ERG: variants seen among roughly 807,000 people sequenced by gnomAD.
ERG encodes transcriptional regulator ERG.
Under a neutral mutation model 55.3 loss-of-function variants are expected in ERG, and 9 were observed. The observed-to-expected ratio is 0.16, with a 90% CI of 0.10 to 0.28. The LOEUF (loss-of-function observed/expected upper bound fraction) is 0.28, where lower values mean the gene tolerates loss of function less well. ERG is among the 10% of genes least tolerant of loss of function. ERG has a pLI of 1.00. For synonymous variants in ERG, 223 were observed against 237.3 expected (o/e 0.94, Z 0.55); for missense variants, 434 against 631.6 (o/e 0.69, Z 3.35).
At chr21:38,525,300 C>T (rs575468779) in intron 2 of ERG, among the ~76,000 whole-genome samples, 10 of 152,236 alleles carry the variant, frequency 6.6e-5, no homozygotes, top group African/African-American at 1.7e-4. Flanking sequence ...CACCCTCTCT[C>T]GGGTTCTGTA....
At chr21:38,481,336 T>C (rs2059236540) in intron 1 of ERG, among the ~76,000 whole-genome samples, 1 of 152,238 alleles carries the variant, frequency 6.6e-6, no homozygotes, top group African/African-American at 2.4e-5. Context: ...AGAGTAGCAC[T>C]TTACATGCGG....
the ERG span, among the ~76,000 whole-genome samples, chr21:38,369,173 G>A: frequency 6.6e-6 from 1 of 152,058 alleles, no homozygotes; most frequent in Non-Finnish European, 1.5e-5. Context: ...CTGTCTTTAG[G>A]TCTTTGAGGA....
At chr21:38,395,627 T>C (rs1187857308) in intron 6 of ERG, 1 of 180,312 alleles carries the variant, frequency 5.5e-6, no homozygotes, top group East Asian at 9.1e-5. Context: ...ATAGGCAGCT[T>C]GGGTGAACAC....
intron 2 of ERG, among the ~76,000 whole-genome samples, chr21:38,439,035 G>A (rs2058816950): frequency 6.6e-6 from 1 of 152,210 alleles, no homozygotes; most frequent in African/African-American, 2.4e-5. Flanking sequence ...TCACTCAACA[G>A]AATCAAACAT....
At chr21:38,603,165 G>T (rs1419544935) in intron 1 of ERG, among the ~76,000 whole-genome samples, 1 of 151,916 alleles carries the variant, frequency 6.6e-6, no homozygotes, top group Non-Finnish European at 1.5e-5. Flanking sequence ...CTTGTCTTTA[G>T]ACCCCTAAAG....
At chr21:38,530,491 C>T (rs961254699) in intron 2 of ERG, among the ~76,000 whole-genome samples, 3 of 152,168 alleles carry the variant, frequency 2.0e-5, no homozygotes, top group African/African-American at 4.8e-5. Context: ...ATTGGGTGAA[C>T]TTTACAGAGA....
intron 1 of ERG, among the ~76,000 whole-genome samples, chr21:38,625,569 A>G (rs1018727099): frequency 2.6e-5 from 4 of 152,172 alleles, no homozygotes; most frequent in African/African-American, 9.7e-5. Flanking sequence ...AGGAGTGTGA[A>G]GCAGCGAGCC....
chr21:38,477,788 G>A (rs947588029), intron 1 of ERG, among the ~76,000 whole-genome samples: 2 of 152,162 alleles, frequency 1.3e-5, no homozygotes, highest in African/African-American at 4.8e-5. Flanking sequence ...AGAAAAAAAT[G>A]TAAAGTACAT....
chr21:38,378,637 T>TC (rs1987305810), downstream of ERG, among the ~76,000 whole-genome samples: 1 of 152,150 alleles, frequency 6.6e-6, no homozygotes, highest in African/African-American at 2.4e-5. Context: ...CCCTTGTCTC[T>TC]CCCCACTGAA....
At chr21:38,487,129 T>TTG (rs1420048952) in intron 1 of ERG, among the ~76,000 whole-genome samples, 5 of 101,546 alleles carry the variant, frequency 4.9e-5, no homozygotes, top group African/African-American at 1.8e-4. Flanking sequence ...TCTTTTTTTT[T>TTG]TTTTTTTCAC....
chr21:38,645,852 T>C (rs1193243235), intron 1 of ERG, among the ~76,000 whole-genome samples: 2 of 152,226 alleles, frequency 1.3e-5, no homozygotes, highest in Non-Finnish European at 2.9e-5. Context: ...TGTTGATGTT[T>C]AATGCAGGTA....
intron 3 of ERG, among the ~76,000 whole-genome samples, chr21:38,422,577 C>T (rs1989596608): frequency 6.6e-6 from 1 of 152,204 alleles, no homozygotes; most frequent in South Asian, 2.1e-4. Context: ...TGACTGGTGA[C>T]TGTTGCTGTT....
At chr21:38,422,925 G>T (rs555453818) in intron 3 of ERG, among the ~76,000 whole-genome samples, 1 of 152,218 alleles carries the variant, frequency 6.6e-6, no homozygotes, top group South Asian at 2.1e-4. Flanking sequence ...CCTCATGAAG[G>T]ACAGGATATT....
chr21:38,589,852 C>A (rs1448417270), upstream of ERG, among the ~76,000 whole-genome samples: 2 of 152,130 alleles, frequency 1.3e-5, no homozygotes, highest in East Asian at 3.9e-4. Context: ...TCCTTGTTAA[C>A]TAAACCATTT....
intron 2 of ERG, among the ~76,000 whole-genome samples, chr21:38,424,451 A>G (rs532009965): frequency 1.3e-5 from 2 of 152,304 alleles, no homozygotes; most frequent in Admixed American, 1.3e-4. Context: ...AACACGCACA[A>G]GGGAGGCGGA....
At chr21:38,380,026 A>T (rs561450707), downstream of ERG, 1 of 1,011,872 alleles carries the variant, frequency 9.9e-7, no homozygotes, top group African/African-American at 1.7e-5. Context: ...AAGGCACAGA[A>T]TTTGGTGTAT....
chr21:38,575,648 A>G, intron 2 of ERG: 2 of 1,610,522 alleles, frequency 1.2e-6, no homozygotes, highest in Non-Finnish European at 1.7e-6. Context: ...CTTCCCAGCC[A>G]AGACGGGACT....
At chr21:38,369,552 A>G in the ERG span, among the ~76,000 whole-genome samples, 3 of 152,138 alleles carry the variant, frequency 2.0e-5, no homozygotes, top group Admixed American at 1.3e-4. Context: ...AGTTTGCAAA[A>G]TTTTTCTCCC....
intron 2 of ERG, among the ~76,000 whole-genome samples, chr21:38,424,181 G>GCGCTCTCTCTCTCTCTCTCT (rs1555896858): frequency 1.7e-4 from 15 of 88,078 alleles, no homozygotes; most frequent in African/African-American, 3.9e-4. Context: ...AGAGACCAGA[G>GCGCTCTCTCTCTCTCTCTCT]CTCGAGCTCT....
Sources: gnomAD v4.1 joint callset for allele counts (sites outside exome capture counted in the v4.1 genomes callset) on GRCh38, gnomAD v4.1.1 for gene constraint, MANE v1.5 for transcripts, NCBI Gene and HGNC (gene_info 2026-07-23, HGNC 2026-07-21) for gene names.